The following LLGL2 variants were observed in gnomAD, a reference collection of about 807,000 sequenced individuals.
LLGL2 encodes LLGL2, scribble cell polarity complex component.
LLGL2 carries 81 observed loss-of-function variants against 123.2 expected under a neutral mutation model. The observed-to-expected ratio is 0.66, with a 90% CI of 0.55 to 0.79. The LOEUF (loss-of-function observed/expected upper bound fraction) is 0.79. LLGL2 is among the 30% of genes least tolerant of loss of function. The probability of loss-of-function intolerance (pLI) is 0.00; values close to 1 mark genes in which losing one functional copy is unlikely to be tolerated. For missense variants in LLGL2, 1,273 were observed against 1,414.6 expected (o/e 0.90, Z 1.61); for synonymous variants, 577 against 594.1 (o/e 0.97, Z 0.42).
chr17:75,556,142 CT>C lies in LLGL2; in HGVS notation c.173del (p.Leu58ProfsTer19). 6.2e-7 allele frequency: 1 copy of C among 1,608,738 alleles called. No homozygotes were observed. The highest frequency in any genetic ancestry group is 8.5e-7 in the Non-Finnish European group (1 of 1,179,144). ...AIGTRSGAIKLYGAPGVEFMG... is the reference protein window; with the variant it reads ...AIGTRSGAIKXYGAPGVEFMG... ...CGGCACCCGTTCTGGAGCCATCAAGCTGTATCCTCCGTCCCCTCGCTCCCAC... is the reference window on the plus strand; with the variant it reads ...CGGCACCCGTTCTGGAGCCATCAAGCGTATCCTCCGTCCCCTCGCTCCCAC... On this transcript the variant is annotated frameshift_variant and splice_region_variant, in exon 3 of 26. Transcript: ENST00000392550. LOFTEE classifies it high-confidence loss of function.
chr17:75,563,936 C>T, intron 9 of LLGL2, 130 bp downstream of exon 9: 2 of 898,864 alleles, frequency 2.2e-6, no homozygotes, highest in Non-Finnish European at 3.6e-6. Context: ...TCTTGGACAC[C>T]AGGGAGGGGA....
chr17:75,526,131 G>A (rs1339179778), intron 1 of LLGL2, among the ~76,000 whole-genome samples: 1 of 152,122 alleles, frequency 6.6e-6, no homozygotes, highest in Non-Finnish European at 1.5e-5. Context: ...TGGGTGCGGG[G>A]GGCACCGCGG....
rs35218854 is a variant in LLGL2 at position 75,548,755 on chromosome 17, CAA to C, written c.75+5268_75+5269del. On this transcript the variant is annotated intron_variant, in intron 2 of 25. Coordinates refer to ENST00000392550, the MANE Select transcript of LLGL2 (RefSeq NM_001031803.2). ...TGGGTGACAGAGTGAGATTCTGTCT[CAA>C]AAAAAAAAAAAAAGCCAAAGAAGTA... 4.8e-3 allele frequency among the ~76,000 whole-genome samples: 639 copies of C among 132,060 alleles called. 7 individuals are homozygous for C. Among genetic ancestry groups the C allele is most frequent in the African/African-American group, 0.013 (494 of 37,424 alleles). 86.6% of individuals were successfully genotyped at this position (132,060 alleles called of 152,430 possible). A position where few individuals can be genotyped will look rare whatever the true frequency, so the allele number is the denominator to read the frequency against.
At position 75,570,959 on chromosome 17, in the gene LLGL2, G is replaced by A. The variant is rs111422106; in HGVS notation, c.2035G>A (p.Gly679Arg). The A allele has an allele frequency of 5.6e-4, 901 of 1,609,626 alleles. 7 individuals carry two copies. The African/African-American group carries it at 9.9e-3, about 18-fold the overall frequency. ...PAGPPGEAQE[G>R]SAKAERPGLQ... Reference sequence around the variant, plus strand: ...GGCCCACCCCTTGCAGGCACAGGAGGGGAGTGCCAAGGCTGAGCGGCCAGG... The same window carrying A: ...GGCCCACCCCTTGCAGGCACAGGAGAGGAGTGCCAAGGCTGAGCGGCCAGG... Residue 679 changes from glycine to arginine, a missense_variant, in exon 17 of 26, where the codon GGG (glycine) becomes AGG (arginine). Gly to Arg is a moderately radical substitution (Grantham distance 125). Transcript: ENST00000392550.
At chr17:75,532,078 T>C (rs55942748) in intron 1 of LLGL2, among the ~76,000 whole-genome samples, 5,004 of 25,968 alleles carry the variant, frequency 0.19, 51 homozygotes, top group Non-Finnish European at 0.28. Context: ...ACACACACAC[T>C]TTTTTTTTTT....
At chr17:75,571,193 C>A in intron 17 of LLGL2, 93 bp downstream of exon 17, 1 of 1,227,486 alleles carries the variant, frequency 8.1e-7, no homozygotes, top group Non-Finnish European at 1.2e-6. Flanking sequence ...GCCTGCCTGG[C>A]TGGTAGGAGC....
At chr17:75,572,643 C>T (rs533530424) in intron 19 of LLGL2, among the ~76,000 whole-genome samples, 5 of 137,246 alleles carry the variant, frequency 3.6e-5, no homozygotes, top group Admixed American at 2.3e-4. Context: ...CCAGCCTGGG[C>T]GACAGAGCGA....
At chr17:75,574,689 T>A in intron 25 of LLGL2, 21 bp downstream of exon 25, 1 of 1,608,536 alleles carries the variant, frequency 6.2e-7, no homozygotes, top group Non-Finnish European at 8.5e-7. Flanking sequence ...TGGGCTTGAG[T>A]GCAGCTGCCA....
At position 75,525,710 on chromosome 17, in the gene LLGL2, G is replaced by T. The variant is rs866203307; in HGVS notation, c.-146G>T. The T allele has an allele frequency of 6.6e-6, 1 of 150,950 alleles. No homozygotes were observed. The highest frequency in any genetic ancestry group is 1.5e-5 in the Non-Finnish European group (1 of 67,542). The allele number at this position is 150,950 out of a possible 1,614,324, so 9.4% of individuals were successfully genotyped here. A position where few individuals can be genotyped will look rare whatever the true frequency, so the allele number is the denominator to read the frequency against. On this transcript the variant is annotated 5_prime_UTR_variant, in exon 1 of 26. Coordinates refer to ENST00000392550, the MANE Select transcript of LLGL2 (RefSeq NM_001031803.2). The surrounding 1 kb of genome is among the most constrained non-coding windows in gnomAD (Gnocchi z 4.8). ...CCCAGGCTCGCCGCGCCGGAGGTGA[G>T]CAGGAAGGAGACGGCCGCCCAGCAG... is the stretch of plus-strand genomic sequence containing the variant.
intron 7 of LLGL2, 26 bp downstream of exon 7, chr17:75,563,204 G>T: frequency 6.2e-7 from 1 of 1,611,440 alleles, no homozygotes; most frequent in Non-Finnish European, 8.5e-7. Context: ...GACATGGCAG[G>T]CGCCATGTTG....
chr17:75,575,001 T>G lies in LLGL2; in HGVS notation c.*123T>G. ...GCCAGGGGCTGGGGGCATCCCGGCT[T>G]CCACAATGCAGCTGCTCTGGGCCTC... On this transcript the variant is annotated 3_prime_UTR_variant, in exon 26 of 26. Coordinates refer to ENST00000392550, the MANE Select transcript of LLGL2 (RefSeq NM_001031803.2). The G allele has an allele frequency of 7.2e-7, 1 of 1,388,014 alleles. No homozygotes were observed. Among genetic ancestry groups the G allele is most frequent in the East Asian group, 2.3e-5 (1 of 43,736 alleles). The allele number at this position is 1,388,014 out of a possible 1,614,324, so 86.0% of individuals were successfully genotyped here.
At position 75,558,073 on chromosome 17, in the gene LLGL2, A is replaced by C. The variant is rs1568049627; in HGVS notation, c.174-82A>C. The C allele has an allele frequency of 7.6e-7, 1 of 1,308,934 alleles. No individual in the cohort carries two copies. Among genetic ancestry groups the C allele is most frequent in the East Asian group, 2.3e-5 (1 of 43,402 alleles). The allele number at this position is 1,308,934 out of a possible 1,614,324, so 81.1% of individuals were successfully genotyped here. ...CCCCTCTCTGTGTTTGCATCATTGC[A>C]CATGGGCCCCGAGGGCCTGGCACTC... On this transcript the variant is annotated intron_variant, in intron 3 of 25. Coordinates refer to ENST00000392550, the MANE Select transcript of LLGL2 (RefSeq NM_001031803.2). This position sits in a 1 kb window ranked among gnomAD's most constrained non-coding sequence, Gnocchi z 4.0.
Position 75,558,165 on chromosome 17 carries a change from C to T in LLGL2, c.184C>T (p.Pro62Ser). ...TGAGCCTACTCCTAGCTACGGAGCC[C>T]CAGGCGTGGAGTTCATGGGGCTGCA... The part of the protein sequence containing the change: ...RSGAIKLYGA[P>S]GVEFMGLHQE... The change falls in exon 4 of 26, where the codon CCA becomes TCA. Residue 62 changes from proline (P) to serine (S), a missense_variant. Physicochemically the swap from Pro to Ser is moderately conservative, Grantham distance 74. Coordinates refer to ENST00000392550, the MANE Select transcript of LLGL2 (RefSeq NM_001031803.2). The surrounding 1 kb of genome is among the most constrained non-coding windows in gnomAD (Gnocchi z 4.0). 6.2e-7 allele frequency: 1 copy of T among 1,613,842 alleles called. No homozygotes were observed. The highest frequency in any genetic ancestry group is 2.2e-5 in the East Asian group (1 of 44,884).
At chr17:75,570,525 G>A (rs1001530181) in intron 16 of LLGL2, 27 bp downstream of exon 16, 19 of 1,551,460 alleles carry the variant, frequency 1.2e-5, no homozygotes, top group South Asian at 4.7e-5. Context: ...GGCTGCGGCC[G>A]GCCACGCACC....
At chr17:75,573,341 CA>C (rs2055814762) in intron 20 of LLGL2, 63 bp downstream of exon 20, 28 of 1,559,940 alleles carry the variant, frequency 1.8e-5, no homozygotes, top group Non-Finnish European at 2.0e-5. Context: ...GAAGGGTGGC[CA>C]GGGGTGTTGT....
chr17:75,552,362 G>A (rs1211214638), intron 2 of LLGL2, among the ~76,000 whole-genome samples: 1 of 152,084 alleles, frequency 6.6e-6, no homozygotes, highest in Non-Finnish European at 1.5e-5. Context: ...GGTGGTGTGT[G>A]CCTGTAGTCC....
At chr17:75,528,442 A>G (rs955765829) in intron 1 of LLGL2, among the ~76,000 whole-genome samples, 2 of 152,114 alleles carry the variant, frequency 1.3e-5, no homozygotes, top group Non-Finnish European at 2.9e-5. Flanking sequence ...ATACCGCAAC[A>G]TTAAAAGAAA....
chr17:75,570,398 G>T lies in LLGL2; in HGVS notation c.1925G>T (p.Arg642Leu). The change falls in exon 16 of 26, where the codon CGC becomes CTC. Residue 642 changes from arginine to leucine, a missense_variant. Physicochemically the swap from Arg to Leu is moderately radical, Grantham distance 102. Transcript: ENST00000392550. ...DQLALEGPLS[R>L]VKSLKKSLRQ... is the part of the protein sequence containing the mutation. ...CTGGCCTTGGAGGGCCCACTCTCCC[G>T]CGTCAAGTCCCTCAAGAAGTCCTTG... 6.2e-7 allele frequency: 1 copy of T among 1,610,724 alleles called. No homozygotes were observed. The highest frequency in any genetic ancestry group is 8.5e-7 in the Non-Finnish European group (1 of 1,179,084).
intron 1 of LLGL2, among the ~76,000 whole-genome samples, chr17:75,526,281 G>C (rs2053567704): frequency 6.6e-6 from 1 of 152,124 alleles, no homozygotes; most frequent in Non-Finnish European, 1.5e-5. Context: ...TGCCATCTGG[G>C]CTGTGTCCCT....
Sources: gnomAD v4.1 joint callset for allele counts (sites outside exome capture counted in the v4.1 genomes callset) on GRCh38, gnomAD v4.1.1 for gene constraint, Gnocchi (gnomAD v3.1) non-coding constraint, MANE v1.5 for transcripts, NCBI Gene and HGNC (gene_info 2026-07-23, HGNC 2026-07-21) for gene names.